CSMD1: variants seen among roughly 807,000 people sequenced by gnomAD.
The protein encoded by CSMD1 is CUB and sushi domain-containing protein 1.
Under a neutral mutation model 417.5 loss-of-function variants are expected in CSMD1, and 213 were observed. That is an observed-to-expected ratio of 0.51 (90% CI 0.46 to 0.57). The LOEUF (loss-of-function observed/expected upper bound fraction) is 0.57, where lower values mean the gene tolerates loss of function less well. CSMD1 is among the 20% of genes least tolerant of loss of function. The probability of loss-of-function intolerance (pLI) is 0.00; values close to 1 mark genes in which losing one functional copy is unlikely to be tolerated. For synonymous variants in CSMD1, 2,862 were observed against 1,736.8 expected, an observed-to-expected ratio of 1.65 and a Z score of -16.11; for missense variants, 6,923 against 4,529.7, an observed-to-expected ratio of 1.53 and a Z score of -15.17.
chr8:3,283,328 G>C (rs910760177), intron 26 of CSMD1, among the ~76,000 whole-genome samples: 11 of 152,110 alleles, frequency 7.2e-5, no homozygotes, highest in Non-Finnish European at 1.3e-4. Context: ...TGGAATCGGG[G>C]CTGGGTTAGG....
intron 3 of CSMD1, among the ~76,000 whole-genome samples, chr8:4,334,889 G>C (rs969978315): frequency 2.6e-5 from 4 of 152,180 alleles, no homozygotes; most frequent in South Asian, 4.1e-4. Context: ...CAAGGTGATA[G>C]ATCAGGTGTC....
At chr8:4,399,049 A>G (rs1804463362) in intron 3 of CSMD1, among the ~76,000 whole-genome samples, 1 of 152,230 alleles carries the variant, frequency 6.6e-6, no homozygotes, top group Non-Finnish European at 1.5e-5. Flanking sequence ...GTGTTCTGTA[A>G]GAATCTCAGT....
intron 3 of CSMD1, among the ~76,000 whole-genome samples, chr8:4,335,849 A>T (rs56333222): frequency 0.053 from 8,077 of 152,066 alleles, 266 homozygotes; most frequent in Middle Eastern, 0.15. Context: ...TGGGGTATCT[A>T]AGCTGGGGAG....
chr8:4,058,469 G>A (rs561056004), intron 3 of CSMD1, among the ~76,000 whole-genome samples: 12 of 152,246 alleles, frequency 7.9e-5, no homozygotes, highest in South Asian at 4.1e-4. Context: ...ACACAATCAC[G>A]TCATCTGCAA....
At chr8:3,318,362 T>A (rs969796740) in intron 23 of CSMD1, among the ~76,000 whole-genome samples, 3 of 152,198 alleles carry the variant, frequency 2.0e-5, no homozygotes, top group African/African-American at 7.2e-5. Flanking sequence ...GCCTACCGCA[T>A]TGATTCATTA....
rs199926033 is a variant in CSMD1, at chr8:3,937,618, G to C, written c.818+60285C>G. Among the ~76,000 whole-genome samples the C allele has an allele frequency of 2.1e-4, 32 of 152,242 alleles. No homozygotes were observed. The East Asian group carries it at 5.8e-3, about 28-fold the overall frequency. ...TGCACTGGGGAACCCACAATATCAT[G>C]TCACTTGCTTTCTTGCAGTCATCTG... On this transcript the variant is annotated intron_variant, in intron 5 of 69. Coordinates refer to ENST00000635120, the MANE Select transcript of CSMD1 (RefSeq NM_033225.6).
intron 49 of CSMD1, among the ~76,000 whole-genome samples, chr8:3,071,869 A>G (rs1813346084): frequency 6.6e-6 from 1 of 152,176 alleles, no homozygotes; most frequent in Admixed American, 6.5e-5. Context: ...CATCTATCAC[A>G]GAACACTGCA....
intron 46 of CSMD1, among the ~76,000 whole-genome samples, chr8:3,100,273 C>G (rs181637608): frequency 6.6e-6 from 1 of 152,278 alleles, no homozygotes; most frequent in African/African-American, 2.4e-5. Context: ...AGGCTGGTCT[C>G]CAACTCCTGG....
At chr8:3,942,725 C>T (rs533499981) in intron 5 of CSMD1, among the ~76,000 whole-genome samples, 19 of 152,216 alleles carry the variant, frequency 1.2e-4, no homozygotes, top group East Asian at 3.9e-4. Flanking sequence ...ATATAACATA[C>T]GCTCAAAATA....
intron 2 of CSMD1, among the ~76,000 whole-genome samples, chr8:4,452,745 T>A (rs564056885): frequency 2.6e-5 from 4 of 152,236 alleles, no homozygotes; most frequent in African/African-American, 9.6e-5. Flanking sequence ...AGGTTATTCA[T>A]CTTTCAACAT....
At chr8:4,457,331 G>C (rs1040293132) in intron 2 of CSMD1, among the ~76,000 whole-genome samples, 3 of 152,064 alleles carry the variant, frequency 2.0e-5, no homozygotes, top group East Asian at 3.9e-4. Flanking sequence ...TAGAGTGCTT[G>C]GGACACCGGA....
chr8:3,261,528 G>C (rs7820335), intron 26 of CSMD1, among the ~76,000 whole-genome samples: 3 of 151,960 alleles, frequency 2.0e-5, no homozygotes, highest in Non-Finnish European at 4.4e-5. Context: ...AAATAATTTT[G>C]AAAAGAAAAC....
chr8:4,498,733 G>A (rs933338311), intron 2 of CSMD1, among the ~76,000 whole-genome samples: 7 of 152,160 alleles, frequency 4.6e-5, no homozygotes, highest in African/African-American at 9.7e-5. Flanking sequence ...TGCATCAACT[G>A]TAATCTCTAA....
At chr8:4,463,634 G>C (rs1427792624) in intron 2 of CSMD1, among the ~76,000 whole-genome samples, 1 of 152,068 alleles carries the variant, frequency 6.6e-6, no homozygotes, top group Non-Finnish European at 1.5e-5. Context: ...CCTACTAAAT[G>C]GAAAGAGCTA....
chr8:3,828,932 C>G (rs779954364), intron 5 of CSMD1, among the ~76,000 whole-genome samples: 1 of 152,198 alleles, frequency 6.6e-6, no homozygotes, highest in African/African-American at 2.4e-5. Flanking sequence ...CTTCTGCACA[C>G]TGGTCTTCTT....
At chr8:4,136,191 G>A (rs13252372) in intron 3 of CSMD1, among the ~76,000 whole-genome samples, 51,701 of 152,008 alleles carry the variant, frequency 0.34, 9,007 homozygotes, top group Middle Eastern at 0.45. Flanking sequence ...CAAAAGAACA[G>A]CTATGTGAAC....
intron 23 of CSMD1, among the ~76,000 whole-genome samples, chr8:3,334,012 A>G (rs1167326005): frequency 6.6e-6 from 1 of 152,198 alleles, no homozygotes; most frequent in Non-Finnish European, 1.5e-5. Flanking sequence ...GTAATCAATG[A>G]TGACATGGAC....
At chr8:3,697,088 G>A (rs1012919880) in intron 7 of CSMD1, among the ~76,000 whole-genome samples, 1 of 152,102 alleles carries the variant, frequency 6.6e-6, no homozygotes, top group African/African-American at 2.4e-5. Flanking sequence ...ATGAATAACT[G>A]CAGGCCCAAT....
intron 2 of CSMD1, among the ~76,000 whole-genome samples, chr8:4,427,506 C>T (rs868058385): frequency 6.6e-6 from 1 of 151,986 alleles, no homozygotes; most frequent in Admixed American, 6.6e-5. Flanking sequence ...CACACACACA[C>T]ACACACATGC....
Sources: allele counts gnomAD v4.1 joint callset (sites outside exome capture counted in the v4.1 genomes callset), GRCh38; gene constraint gnomAD v4.1.1; transcripts MANE v1.5; gene names NCBI Gene and HGNC (gene_info 2026-07-23, HGNC 2026-07-21).